The following CARF variants were observed in gnomAD, a reference collection of about 807,000 sequenced individuals.
CARF encodes calcium responsive transcription factor.
Under a neutral mutation model 82.0 loss-of-function variants are expected in CARF, and 57 were observed. The ratio of observed to expected loss-of-function variants is 0.70; its 90% CI spans 0.56 to 0.87. CARF has a LOEUF of 0.87. CARF is among the 40% of genes least tolerant of loss of function. CARF has a pLI of 0.00. For missense variants in CARF, 771 were observed against 855.8 expected (o/e 0.90, Z 1.24); for synonymous variants, 268 against 290.1 (o/e 0.92, Z 0.77).
intron 3 of CARF, among the ~76,000 whole-genome samples, chr2:202,932,007 A>G (rs1693027033): frequency 6.6e-6 from 1 of 152,204 alleles, no homozygotes. Context: ...TGTGGCTTCT[A>G]CTGGGGAGGC....
chr2:202,925,091 T>C, intron 3 of CARF: 1 of 406,876 alleles, frequency 2.5e-6, no homozygotes, highest in South Asian at 2.0e-5. Context: ...AAGCAGCAAC[T>C]GGACACACTG....
intron 3 of CARF, among the ~76,000 whole-genome samples, chr2:202,937,105 A>G (rs749111687): frequency 3.3e-5 from 5 of 152,118 alleles, no homozygotes; most frequent in South Asian, 2.1e-4. Flanking sequence ...TAATTTAACC[A>G]TAGGTATGTT....
intron 9 of CARF, among the ~76,000 whole-genome samples, chr2:202,964,964 C>T (rs920838325): frequency 1.3e-5 from 2 of 150,646 alleles, no homozygotes; most frequent in Non-Finnish European, 3.0e-5. Context: ...TTAACAGTAA[C>T]TTTGTAATGT....
chr2:202,949,971 A>T (rs76298043), intron 5 of CARF, among the ~76,000 whole-genome samples: 13,590 of 152,250 alleles, frequency 0.089, 746 homozygotes, highest in Non-Finnish European at 0.12. Context: ...AATATTGTAC[A>T]CAAAGGGCCT....
At chr2:202,962,744 C>T in intron 9 of CARF, 1 of 151,950 alleles carries the variant, frequency 6.6e-6, no homozygotes, top group East Asian at 1.9e-4. Context: ...TTCATTCACC[C>T]TTTTTTTTAC....
chr2:202,952,585 T>C lies in CARF; in HGVS notation c.333T>C (p.Asn111=). 3.7e-6 allele frequency: 6 copies of C among 1,613,542 alleles called. No individual in the cohort carries two copies. The highest frequency in any genetic ancestry group is 2.2e-5 in the East Asian group (1 of 44,850). ...TGATCGTTGCCAGCCCAACAGAAAATGGACAGGTACTTCGTGTAATTCCAC... is the reference window on the plus strand; with the variant it reads ...TGATCGTTGCCAGCCCAACAGAAAACGGACAGGTACTTCGTGTAATTCCAC... ...QMMIVASPTE[N]GQVLRVIPPT... The change falls in exon 6 of 17, where the codon AAT becomes AAC. Residue 111 remains asparagine (N), a synonymous_variant. Coordinates refer to ENST00000438828, the MANE Select transcript of CARF (RefSeq NM_024744.17).
In CARF at chr2:202,981,517, A is replaced by G. The variant is rs537567687; in HGVS notation, c.1559-38A>G. 8.7e-6 allele frequency: 12 copies of G among 1,378,902 alleles called. No homozygotes were observed. In the African/African-American group the frequency reaches 1.8e-4, roughly 20 times the overall value. 85.4% of individuals were successfully genotyped at this position (1,378,902 alleles called of 1,614,324 possible). ...GTATTTTTATGACTTCATAGAAGCC[A>G]TAAAAATTATTTTAATAGTTTCTTT... On this transcript the variant is annotated intron_variant, in intron 14 of 16. Coordinates refer to ENST00000438828, the MANE Select transcript of CARF (RefSeq NM_024744.17).
intron 12 of CARF, 134 bp from the exon 13 acceptor site, chr2:202,974,200 A>G: frequency 1.7e-6 from 1 of 578,224 alleles, no homozygotes; most frequent in Non-Finnish European, 2.8e-6. Flanking sequence ...TTAAATAGGA[A>G]AATATAAATT....
At chr2:202,973,468 G>T in intron 12 of CARF, 1 of 432,868 alleles carries the variant, frequency 2.3e-6, no homozygotes, top group Non-Finnish European at 4.6e-6. Context: ...TTTTGTCTCC[G>T]TGTAAAATTC....
At chr2:202,952,519 A>G (rs756397649) in intron 5 of CARF, 40 bp from the exon 6 acceptor site, 3 of 1,602,072 alleles carry the variant, frequency 1.9e-6, no homozygotes, top group Admixed American at 1.7e-5. Flanking sequence ...AAATCAGTCT[A>G]GGCATATGCA....
In CARF at chr2:202,912,412, G is replaced by C. The variant is rs1209280209; in HGVS notation, c.-1020G>C. On this transcript the variant is annotated 5_prime_UTR_variant, in exon 1 of 17. Coordinates refer to ENST00000438828, the MANE Select transcript of CARF (RefSeq NM_024744.17). Reference sequence around the variant, plus strand: ...TGGGGCTATCGGCGGCGGCAGGACTGGGGGAGTCAGAGGTCTGGCAGCGCT... The same window carrying C: ...TGGGGCTATCGGCGGCGGCAGGACTCGGGGAGTCAGAGGTCTGGCAGCGCT... 1.3e-5 allele frequency: 2 copies of C among 150,682 alleles called. No individual in the cohort carries two copies. The highest frequency in any genetic ancestry group is 2.0e-4 in the East Asian group (1 of 5,020). The allele number at this position is 150,682 out of a possible 1,614,324, so 9.3% of individuals were successfully genotyped here.
intron 14 of CARF, among the ~76,000 whole-genome samples, chr2:202,980,789 T>G (rs1383825681): frequency 1.3e-5 from 2 of 151,510 alleles, no homozygotes; most frequent in Admixed American, 6.6e-5. Context: ...TAGAGATGAT[T>G]TAAAGTATAT....
intron 16 of CARF, among the ~76,000 whole-genome samples, chr2:202,983,129 C>T (rs1010443369): frequency 9.9e-5 from 15 of 152,102 alleles, no homozygotes; most frequent in Non-Finnish European, 2.1e-4. Context: ...AATCCTCCCA[C>T]CTCAGCCTCC....
intron 4 of CARF, 103 bp downstream of exon 4, chr2:202,942,083 A>G: frequency 1.1e-6 from 1 of 933,594 alleles, no homozygotes; most frequent in East Asian, 2.7e-5. Flanking sequence ...AGTGTATTCA[A>G]GAATTTTGAG....
chr2:202,968,850 A>G (rs1300556322), intron 10 of CARF, among the ~76,000 whole-genome samples: 2 of 152,236 alleles, frequency 1.3e-5, no homozygotes, highest in African/African-American at 4.8e-5. Flanking sequence ...TTAACTACCT[A>G]TTTAGGTATT....
chr2:202,970,098 TA>T (rs1262972362), intron 11 of CARF, 36 bp downstream of exon 11: 1 of 1,503,120 alleles, frequency 6.7e-7, no homozygotes, highest in African/African-American at 1.4e-5. Flanking sequence ...TTTTACAAAT[TA>T]ATTAGCTCAA....
chr2:202,927,548 CATT>C (rs891733410), intron 3 of CARF, among the ~76,000 whole-genome samples: 3 of 151,606 alleles, frequency 2.0e-5, no homozygotes, highest in Admixed American at 1.3e-4. Context: ...TTTTTTCTTT[CATT>C]ATTTTTAATT....
chr2:202,918,064 G>T (rs1690053643), intron 2 of CARF, 21 bp downstream of exon 2: 1 of 444,540 alleles, frequency 2.2e-6, no homozygotes, highest in Non-Finnish European at 4.5e-6. Flanking sequence ...TTAACTAATT[G>T]AAAGTAACAA....
At chr2:202,974,113 A>G (rs1156628922) in intron 12 of CARF, among the ~76,000 whole-genome samples, 1 of 152,132 alleles carries the variant, frequency 6.6e-6, no homozygotes, top group East Asian at 1.9e-4. Flanking sequence ...AACTCACTCT[A>G]ATATATTTAG....
Sources: gnomAD v4.1 joint callset for allele counts (sites outside exome capture counted in the v4.1 genomes callset) on GRCh38, gnomAD v4.1.1 for gene constraint, MANE v1.5 for transcripts, NCBI Gene and HGNC (gene_info 2026-07-23, HGNC 2026-07-21) for gene names.